Variants in ZNF469 observed in about 807,000 individuals in gnomAD.
The protein encoded by ZNF469 is zinc finger protein 469.
Under a neutral mutation model 1.0 loss-of-function variants are expected in ZNF469, and 1 was observed. The ratio of observed to expected loss-of-function variants is 1.00; its 90% confidence interval spans 0.35 to 4.73. ZNF469 has a LOEUF of 4.73. Among genes scored for constraint, ZNF469 ranks in the 30% most tolerant of loss-of-function variants. The pLI, the probability that ZNF469 is intolerant of heterozygous loss-of-function variation, is 0.16. For missense variants in ZNF469, 6,100 were observed against 5,356.3 expected, an observed-to-expected ratio of 1.14 and a Z score of -4.33; for synonymous variants, 2,703 against 2,363.4, an observed-to-expected ratio of 1.14 and a Z score of -4.17.
At chr16:88,361,718 C>A in the ZNF469 span, among the ~76,000 whole-genome samples, 1 of 151,344 alleles carries the variant, frequency 6.6e-6, no homozygotes, top group Non-Finnish European at 1.5e-5. Context: ...TCGTTGAAAT[C>A]TAACTTATGA....
Position 88,435,900 on chromosome 16 carries a change from G to C in ZNF469, c.8430G>C (p.Ala2810=), listed in dbSNP as rs574024256. ...LGFPETSSSP[A]DSTTSSCLQG... ...TTCCCGAGACTTCCAGCTCTCCGGC[G>C]GACAGCACCACCAGCAGCTGCCTCC... The change falls in exon 3 of 3, where the codon GCG becomes GCC. Residue 2810 remains alanine, a synonymous_variant. Transcript: ENST00000565624. The C allele has an allele frequency of 4.5e-5, 69 of 1,549,982 alleles. No homozygotes were observed. Among genetic ancestry groups the C allele is most frequent in the Non-Finnish European group, 5.6e-5 (64 of 1,146,974 alleles).
the ZNF469 span, among the ~76,000 whole-genome samples, chr16:88,278,937 G>T: frequency 1.8e-4 from 11 of 61,808 alleles, 4 homozygotes; most frequent in Non-Finnish European, 1.4e-4. Context: ...GCTGACACTC[G>T]GTCAGTAGCG....
the ZNF469 span, among the ~76,000 whole-genome samples, chr16:88,139,851 G>A: frequency 6.6e-4 from 101 of 152,334 alleles, no homozygotes; most frequent in African/African-American, 2.3e-3. Context: ...GAATCCCTAA[G>A]ACGGAAATTC....
chr16:88,230,868 C>A, the ZNF469 span, among the ~76,000 whole-genome samples: 1 of 152,164 alleles, frequency 6.6e-6, no homozygotes, highest in Admixed American at 6.5e-5. Flanking sequence ...GAGCAAGCTG[C>A]CTGGCAGAGG....
chr16:88,102,311 G>A, the ZNF469 span, among the ~76,000 whole-genome samples: 2 of 152,148 alleles, frequency 1.3e-5, no homozygotes, highest in Non-Finnish European at 2.9e-5. Flanking sequence ...GAGGTCAGAA[G>A]TTCGTAGAGC....
the ZNF469 span, among the ~76,000 whole-genome samples, chr16:88,288,463 AATCT>A: frequency 2.0e-5 from 3 of 152,084 alleles, no homozygotes; most frequent in Non-Finnish European, 4.4e-5. Flanking sequence ...CACCTATCCA[AATCT>A]ATCAATCATC....
intron 1 of ZNF469, among the ~76,000 whole-genome samples, chr16:88,400,400 C>T (rs900567009): frequency 1.3e-5 from 2 of 152,218 alleles, no homozygotes; most frequent in East Asian, 1.9e-4. Flanking sequence ...GAGACTGAGG[C>T]CCTGCCGGCT....
In ZNF469 at chr16:88,436,979, G is replaced by A. The variant is rs954613150; in HGVS notation, c.9509G>A (p.Ser3170Asn). Residue 3170 changes from serine to asparagine, a missense_variant, in exon 3 of 3, where the codon AGC (serine) becomes AAC (asparagine). Physicochemically the swap from Ser to Asn is conservative, Grantham distance 46 (BLOSUM62 1). Transcript: ENST00000565624. ...CACCTGCAGGAGAGGCACGCGCAGA[G>A]CAAGGCCGGGCCCTGGGCGTGCGGC... ...RGHLQERHAQ[S>N]KAGPWACGMC... is the part of the protein sequence containing the mutation. The A allele has an allele frequency of 6.6e-7, 1 of 1,513,268 alleles. No individual in the cohort carries two copies. The highest frequency in any genetic ancestry group is 8.8e-7 in the Non-Finnish European group (1 of 1,132,780). 93.7% of individuals were successfully genotyped at this position (1,513,268 alleles called of 1,614,324 possible).
At chr16:88,380,399 TCA>T (rs150160422), upstream of ZNF469, among the ~76,000 whole-genome samples, 22 of 105,816 alleles carry the variant, frequency 2.1e-4, 1 homozygote, top group South Asian at 6.5e-4. Context: ...AGACACGCCC[TCA>T]CACAGACATG....
the ZNF469 span, among the ~76,000 whole-genome samples, chr16:88,157,645 T>C: frequency 6.6e-6 from 1 of 151,970 alleles, no homozygotes. Context: ...GCAGATGGAC[T>C]CTCTCAGGAA....
the ZNF469 span, among the ~76,000 whole-genome samples, chr16:88,312,884 C>G: frequency 3.3e-5 from 5 of 152,346 alleles, no homozygotes; most frequent in African/African-American, 1.2e-4. Context: ...GACTCCACGC[C>G]TCCATGCCCT....
the ZNF469 span, among the ~76,000 whole-genome samples, chr16:88,271,916 G>A: frequency 1.4e-4 from 21 of 152,168 alleles, no homozygotes; most frequent in African/African-American, 4.8e-4. Context: ...TGGATGGATG[G>A]GTGTATGGGT....
the ZNF469 span, among the ~76,000 whole-genome samples, chr16:88,271,171 G>A: frequency 1.6e-3 from 235 of 151,546 alleles, no homozygotes; most frequent in African/African-American, 5.1e-3. Flanking sequence ...CAGAATGCTC[G>A]AGCCCAGGCC....
At chr16:88,306,185 T>C in the ZNF469 span, among the ~76,000 whole-genome samples, 4 of 152,236 alleles carry the variant, frequency 2.6e-5, no homozygotes, top group Non-Finnish European at 4.4e-5. Flanking sequence ...GGTTTACTAA[T>C]GATGTCAGGA....
At chr16:88,324,672 C>T in the ZNF469 span, among the ~76,000 whole-genome samples, 2 of 152,190 alleles carry the variant, frequency 1.3e-5, no homozygotes, top group Non-Finnish European at 1.5e-5. Flanking sequence ...TGTTTTTATA[C>T]CCACTTTTAA....
At chr16:88,306,678 C>A in the ZNF469 span, among the ~76,000 whole-genome samples, 1 of 152,132 alleles carries the variant, frequency 6.6e-6, no homozygotes, top group African/African-American at 2.4e-5. Context: ...GCCTCCAGGC[C>A]AGGCGTGGAC....
At chr16:88,205,365 G>A in the ZNF469 span, among the ~76,000 whole-genome samples, 1 of 152,142 alleles carries the variant, frequency 6.6e-6, no homozygotes, top group Non-Finnish European at 1.5e-5. The surrounding 1 kb of genome is among the most constrained non-coding windows in gnomAD (Gnocchi z 4.2). Flanking sequence ...GGGTACAGGA[G>A]CACTTTGCAG....
chr16:88,390,525 A>G (rs1904457110), intron 1 of ZNF469, among the ~76,000 whole-genome samples: 1 of 152,196 alleles, frequency 6.6e-6, no homozygotes, highest in African/African-American at 2.4e-5. Flanking sequence ...TCACTTGGAC[A>G]CAACCTCCAG....
At chr16:88,423,551 A>C (rs934128935) in intron 1 of ZNF469, among the ~76,000 whole-genome samples, 2 of 152,058 alleles carry the variant, frequency 1.3e-5, no homozygotes, top group African/African-American at 4.8e-5. Context: ...ACAAACCTTT[A>C]TTATCTCTTA....
Sources: gnomAD v4.1 joint callset for allele counts (sites outside exome capture counted in the v4.1 genomes callset) on GRCh38, gnomAD v4.1.1 for gene constraint, Gnocchi (gnomAD v3.1) non-coding constraint, MANE v1.5 for transcripts, NCBI Gene and HGNC (gene_info 2026-07-23, HGNC 2026-07-21) for gene names.